DEUP1: variants seen among roughly 807,000 people sequenced by gnomAD.
DEUP1 encodes the protein coiled-coil domain containing 67.
In DEUP1, 82 loss-of-function variants were observed where a neutral mutation model predicts 87.4. The ratio of observed to expected loss-of-function variants is 0.94; its 90% CI spans 0.78 to 1.13. The LOEUF is 1.13. Ranked by LOEUF, DEUP1 falls within the 50% of genes most tolerant of loss-of-function variation. DEUP1 has a pLI of 0.00. For synonymous variants in DEUP1, 214 were observed against 222.7 expected (o/e 0.96, Z 0.35); for missense variants, 663 against 681.5 (o/e 0.97, Z 0.30).
chr11:93,354,891 C>A (rs1328590937), intron 2 of DEUP1, among the ~76,000 whole-genome samples: 2 of 152,118 alleles, frequency 1.3e-5, no homozygotes, highest in East Asian at 1.9e-4. Context: ...GAAACAGACA[C>A]CAGCCATATC....
chr11:93,332,904 C>G (rs1377438188), intron 2 of DEUP1, among the ~76,000 whole-genome samples: 1 of 152,140 alleles, frequency 6.6e-6, no homozygotes, highest in Non-Finnish European at 1.5e-5. Flanking sequence ...TGGCTGAACA[C>G]AGAGTTTGGG....
At chr11:93,388,009 C>T (rs1363634986) in intron 8 of DEUP1, among the ~76,000 whole-genome samples, 1 of 152,048 alleles carries the variant, frequency 6.6e-6, no homozygotes, top group Non-Finnish European at 1.5e-5. Flanking sequence ...GTATATTATA[C>T]TCTGATATAC....
Position 93,371,026 on chromosome 11 carries a change from T to C in DEUP1, c.547-12T>C, listed in dbSNP as rs760527075. On this transcript the variant is annotated splice_polypyrimidine_tract_variant and intron_variant, in intron 6 of 13. Transcript: ENST00000298050. ...TTCTTCATTTGAGTTACACAGTTTT[T>C]ATATTTTTCAGAAACAGGCACAAAG... The C allele has an allele frequency of 6.2e-7, 1 of 1,603,322 alleles. No homozygotes were observed. Among genetic ancestry groups the C allele is most frequent in the African/African-American group, 1.3e-5 (1 of 74,678 alleles).
intron 11 of DEUP1, among the ~76,000 whole-genome samples, chr11:93,403,108 A>G (rs915841428): frequency 9.9e-5 from 15 of 151,954 alleles, no homozygotes; most frequent in Non-Finnish European, 1.8e-4. Flanking sequence ...AATTTATCCT[A>G]TGTACTCTGA....
chr11:93,408,511 A>G (rs1028447260), intron 12 of DEUP1, 84 bp downstream of exon 12: 1 of 879,912 alleles, frequency 1.1e-6, no homozygotes, highest in Admixed American at 3.1e-5. Flanking sequence ...TTATAACTTT[A>G]TACGCTTTCT....
intron 2 of DEUP1, among the ~76,000 whole-genome samples, chr11:93,339,464 A>G (rs951131222): frequency 6.6e-6 from 1 of 152,248 alleles, no homozygotes; most frequent in African/African-American, 2.4e-5. Context: ...ACTACTTAAA[A>G]TGGTTCAAGA....
chr11:93,431,608 CT>C (rs1252803214), intron 13 of DEUP1, among the ~76,000 whole-genome samples: 1 of 152,032 alleles, frequency 6.6e-6, no homozygotes, highest in Non-Finnish European at 1.5e-5. Flanking sequence ...TTAAAAGATC[CT>C]TTTTACTACT....
At chr11:93,411,407 T>C (rs183639755) in intron 12 of DEUP1, among the ~76,000 whole-genome samples, 6 of 152,350 alleles carry the variant, frequency 3.9e-5, no homozygotes, top group Non-Finnish European at 7.3e-5. Flanking sequence ...CAATTCTTAC[T>C]TTTAACTGAG....
chr11:93,378,241 A>G (rs1031342839), intron 7 of DEUP1, among the ~76,000 whole-genome samples: 2 of 152,192 alleles, frequency 1.3e-5, no homozygotes, highest in African/African-American at 2.4e-5. Flanking sequence ...AGGAACACCA[A>G]TTATTCTCAG....
intron 4 of DEUP1, among the ~76,000 whole-genome samples, chr11:93,362,178 A>T (rs1163296405): frequency 6.6e-6 from 1 of 152,052 alleles, no homozygotes; most frequent in Non-Finnish European, 1.5e-5. Flanking sequence ...TAGATATGGC[A>T]TCAAAAGGAC....
intron 11 of DEUP1, among the ~76,000 whole-genome samples, chr11:93,401,194 A>G (rs1261346775): frequency 1.3e-5 from 2 of 152,172 alleles, no homozygotes; most frequent in Non-Finnish European, 2.9e-5. Context: ...CTCATTTACA[A>G]TAACTACAGA....
At chr11:93,406,181 C>G (rs1387929371) in intron 11 of DEUP1, among the ~76,000 whole-genome samples, 1 of 151,916 alleles carries the variant, frequency 6.6e-6, no homozygotes, top group Non-Finnish European at 1.5e-5. Flanking sequence ...GTAATTTAGA[C>G]ATGCTTCATA....
At chr11:93,352,433 T>A in intron 2 of DEUP1, 1 of 701,460 alleles carries the variant, frequency 1.4e-6, no homozygotes, top group Non-Finnish European at 2.6e-6. Context: ...CAATCTGTCT[T>A]AACAACAGTT....
At chr11:93,385,249 G>C (rs61919179) in intron 7 of DEUP1, 149 bp from the exon 8 acceptor site, 198,716 of 755,056 alleles carry the variant, frequency 0.26, 27,711 homozygotes, top group South Asian at 0.39. Context: ...AAAAATGAAG[G>C]AATGGAATTC....
chr11:93,396,199 A>G, intron 10 of DEUP1, 40 bp from the exon 11 acceptor site: 1 of 1,246,860 alleles, frequency 8.0e-7, no homozygotes, highest in Middle Eastern at 2.1e-4. Flanking sequence ...ATGAGTTTTT[A>G]TTATGAATTT....
At chr11:93,418,446 G>A (rs969216110) in intron 13 of DEUP1, among the ~76,000 whole-genome samples, 4 of 152,110 alleles carry the variant, frequency 2.6e-5, no homozygotes, top group African/African-American at 9.7e-5. Flanking sequence ...CACTATCACT[G>A]GCCATCAGAG....
rs985605122 is a variant in DEUP1, at chr11:93,408,693, A to C, written c.1523+266A>C. ...TGGAAGCTGAGGTGGTATACAAAAC[A>C]TACAGATAAGTAATTTTACTTTTGA... On this transcript the variant is annotated intron_variant, in intron 12 of 13. Transcript: ENST00000298050. Among the ~76,000 whole-genome samples the C allele has an allele frequency of 2.6e-4, 39 of 152,240 alleles. 2 individuals are homozygous for C.
intron 2 of DEUP1, among the ~76,000 whole-genome samples, chr11:93,339,246 A>T (rs1943934494): frequency 6.6e-6 from 1 of 152,254 alleles, no homozygotes; most frequent in South Asian, 2.1e-4. Flanking sequence ...TGGCATAGCC[A>T]TTTATGGGGA....
chr11:93,366,593 C>T (rs908634891), intron 5 of DEUP1, among the ~76,000 whole-genome samples: 8 of 152,128 alleles, frequency 5.3e-5, no homozygotes, highest in Admixed American at 3.3e-4. Flanking sequence ...GGATATATTG[C>T]GCTGACTCGC....
Sources: allele counts gnomAD v4.1 joint callset (sites outside exome capture counted in the v4.1 genomes callset), GRCh38; gene constraint gnomAD v4.1.1; transcripts MANE v1.5; gene names NCBI Gene and HGNC (gene_info 2026-07-23, HGNC 2026-07-21).